RBFOX1: variants seen among roughly 807,000 people sequenced by gnomAD.
RBFOX1 encodes the protein RNA binding protein fox-1 homolog 1.
In RBFOX1, 8 loss-of-function variants were observed where a neutral mutation model predicts 57.7. The observed-to-expected ratio is 0.14, with a 90% CI of 0.08 to 0.25. The LOEUF (loss-of-function observed/expected upper bound fraction) is 0.25. Ranked by LOEUF, RBFOX1 falls within the 10% of genes least tolerant of loss-of-function variation. RBFOX1 has a pLI of 1.00. For synonymous variants in RBFOX1, 326 were observed against 222.4 expected, an observed-to-expected ratio of 1.47 and a Z score of -4.15; for missense variants, 611 against 548.5, an observed-to-expected ratio of 1.11 and a Z score of -1.14.
chr16:5,313,595 G>A lies in RBFOX1; in HGVS notation c.219+73490G>A, dbSNP rs141484804. ...TGGACTTACAGTTCCACATGGCTGG[G>A]GAGGCCTCACAGTCACGGTGGAAGG... On this transcript the variant is annotated intron_variant, in intron 1 of 2. Transcript: ENST00000585867. Among the ~76,000 whole-genome samples the A allele has an allele frequency of 7.3e-3, 1,118 of 152,162 alleles. 13 individuals carry two copies. Among genetic ancestry groups the A allele is most frequent in the African/African-American group, 0.025 (1,052 of 41,502 alleles).
intron 4 of RBFOX1, among the ~76,000 whole-genome samples, chr16:7,102,071 G>A (rs1252258022): frequency 6.6e-6 from 1 of 152,068 alleles, no homozygotes; most frequent in African/African-American, 2.4e-5. Context: ...CCCAGAGGAG[G>A]GTGCTTTTTC....
chr16:5,876,257 A>C (rs1006743672), intron 4 of RBFOX1, among the ~76,000 whole-genome samples: 2 of 152,082 alleles, frequency 1.3e-5, no homozygotes, highest in African/African-American at 2.4e-5. Flanking sequence ...GCCACTCTGC[A>C]AGTCATTCCG....
At chr16:6,245,308 C>T (rs915368886) in intron 1 of RBFOX1, among the ~76,000 whole-genome samples, 9 of 152,130 alleles carry the variant, frequency 5.9e-5, no homozygotes, top group Admixed American at 3.9e-4. Context: ...AAATCTGGCC[C>T]TGAATACCTT....
chr16:6,826,483 A>G (rs923338491), intron 3 of RBFOX1, among the ~76,000 whole-genome samples: 4 of 152,176 alleles, frequency 2.6e-5, no homozygotes, highest in African/African-American at 9.7e-5. Context: ...AAAATAACCT[A>G]GAACAGTGCC....
At chr16:6,669,096 C>G (rs536343967) in intron 3 of RBFOX1, among the ~76,000 whole-genome samples, 1 of 152,268 alleles carries the variant, frequency 6.6e-6, no homozygotes, top group East Asian at 1.9e-4. Context: ...TTTATGTTTT[C>G]CCAGCACTTT....
chr16:6,632,670 T>G (rs896450592), intron 2 of RBFOX1, among the ~76,000 whole-genome samples: 1 of 152,198 alleles, frequency 6.6e-6, no homozygotes, highest in African/African-American at 2.4e-5. Flanking sequence ...CTGACTGATA[T>G]CCGGCGAAGG....
chr16:5,873,591 C>T (rs1008647549), intron 4 of RBFOX1, among the ~76,000 whole-genome samples: 2 of 152,204 alleles, frequency 1.3e-5, no homozygotes, highest in Admixed American at 6.5e-5. Flanking sequence ...ATAGTCTAGG[C>T]ACAATACTAG....
chr16:6,891,388 G>A (rs937534680), intron 3 of RBFOX1, among the ~76,000 whole-genome samples: 1 of 152,092 alleles, frequency 6.6e-6, no homozygotes, highest in Non-Finnish European at 1.5e-5. Flanking sequence ...GGTCTACCCA[G>A]TTCTGAAAAC....
intron 1 of RBFOX1, among the ~76,000 whole-genome samples, chr16:6,256,229 A>G (rs866372009): frequency 4.4e-4 from 26 of 58,928 alleles, no homozygotes; most frequent in African/African-American, 1.7e-3. Context: ...ATGTATATAT[A>G]TATGTGTATA....
At chr16:5,655,512 C>T (rs891571077) in intron 3 of RBFOX1, among the ~76,000 whole-genome samples, 3 of 152,148 alleles carry the variant, frequency 2.0e-5, no homozygotes, top group African/African-American at 4.8e-5. Flanking sequence ...CTAGGTTCAG[C>T]GATGAATGGT....
intron 3 of RBFOX1, among the ~76,000 whole-genome samples, chr16:6,683,030 A>T (rs2154124032): frequency 6.6e-6 from 1 of 152,268 alleles, no homozygotes; most frequent in East Asian, 1.9e-4. Context: ...TTCTCCATCC[A>T]TATGACCCTG....
chr16:7,364,152 G>A (rs1256895865), intron 4 of RBFOX1, among the ~76,000 whole-genome samples: 1 of 152,154 alleles, frequency 6.6e-6, no homozygotes, highest in Non-Finnish European at 1.5e-5. Context: ...TGGGGTGCAG[G>A]AGTCTACAAC....
intron 3 of RBFOX1, among the ~76,000 whole-genome samples, chr16:5,656,479 T>C (rs762414121): frequency 1.3e-5 from 2 of 152,206 alleles, no homozygotes; most frequent in African/African-American, 2.4e-5. Context: ...AATCTGTACA[T>C]AGTTAACATA....
rs562915410 is a variant in RBFOX1 at position 6,206,128 on chromosome 16, C to G, written c.-126-110867C>G. ...CTGTCTTTTAAGGCACAGGTCAAAT[C>G]TGACTCAGGAAGAAAACTTCTTACT... On this transcript the variant is annotated intron_variant, in intron 1 of 15. Transcript: ENST00000550418. 2.0e-5 allele frequency among the ~76,000 whole-genome samples: 3 copies of G among 152,214 alleles called. 1 individual carries two copies. In the South Asian group the frequency reaches 6.2e-4, roughly 32 times the overall value.
At chr16:6,516,652 T>C (rs1357807507) in intron 2 of RBFOX1, among the ~76,000 whole-genome samples, 1 of 152,200 alleles carries the variant, frequency 6.6e-6, no homozygotes, top group Non-Finnish European at 1.5e-5. Flanking sequence ...TGGAAGACAA[T>C]CTGTTGATTG....
intron 1 of RBFOX1, among the ~76,000 whole-genome samples, chr16:6,161,865 CTT>C (rs1567589689): frequency 6.6e-6 from 1 of 152,214 alleles, no homozygotes; most frequent in Non-Finnish European, 1.5e-5. Flanking sequence ...TGGGAACAAA[CTT>C]TGAGTAGGTT....
intron 3 of RBFOX1, among the ~76,000 whole-genome samples, chr16:5,733,361 G>A (rs1366165000): frequency 6.6e-6 from 1 of 152,134 alleles, no homozygotes; most frequent in African/African-American, 2.4e-5. Context: ...GTCCAGGAAG[G>A]CCACTGGGGA....
chr16:6,542,025 C>G (rs915447625), intron 2 of RBFOX1, among the ~76,000 whole-genome samples: 5 of 151,872 alleles, frequency 3.3e-5, no homozygotes, highest in African/African-American at 1.2e-4. Flanking sequence ...TAGCTCACTG[C>G]AGCCTCAAAC....
chr16:6,915,268 C>A (rs34094377), intron 3 of RBFOX1, among the ~76,000 whole-genome samples: 69,408 of 151,784 alleles, frequency 0.46, 16,267 homozygotes, highest in Non-Finnish European at 0.52. Context: ...TAATTCCCTC[C>A]AAGAAGGGCC....
Sources: allele counts gnomAD v4.1 joint callset (sites outside exome capture counted in the v4.1 genomes callset), GRCh38; gene constraint gnomAD v4.1.1; transcripts MANE v1.5; gene names NCBI Gene and HGNC (gene_info 2026-07-23, HGNC 2026-07-21).